Variants in MSR1 observed in about 807,000 individuals in gnomAD.
The protein encoded by MSR1 is macrophage scavenger receptor 1.
A neutral mutation model predicts 47.2 loss-of-function variants in MSR1; 53 were observed. The ratio of observed to expected loss-of-function variants is 1.12; its 90% CI spans 0.90 to 1.41. The LOEUF (loss-of-function observed/expected upper bound fraction) is 1.41, where lower values mean the gene tolerates loss of function less well. Ranked by LOEUF, MSR1 falls within the 40% of genes most tolerant of loss-of-function variation. The probability of loss-of-function intolerance (pLI) is 0.00; values close to 1 mark genes in which losing one functional copy is unlikely to be tolerated. For synonymous variants in MSR1, 239 were observed against 185.6 expected (o/e 1.29, Z -2.34); for missense variants, 786 against 546.9 (o/e 1.44, Z -4.36).
At chr8:16,160,807 C>T (rs148585933) in intron 5 of MSR1, among the ~76,000 whole-genome samples, 1 of 152,002 alleles carries the variant, frequency 6.6e-6, no homozygotes, top group East Asian at 1.9e-4. Flanking sequence ...GTTCGTGGCA[C>T]TTCATTCTTC....
At chr8:16,142,263 G>A (rs1800578673) in intron 8 of MSR1, among the ~76,000 whole-genome samples, 1 of 152,114 alleles carries the variant, frequency 6.6e-6, no homozygotes. Flanking sequence ...CCCGGGAGGT[G>A]GAGGTTGCAG....
At position 16,107,955 on chromosome 8, in the gene MSR1, G is replaced by C. The variant is rs1482694239; in HGVS notation, c.*2130C>G. The C allele has an allele frequency of 6.6e-6, 1 of 151,484 alleles. No individual in the cohort carries two copies. The highest frequency in any genetic ancestry group is 1.5e-5 in the Non-Finnish European group (1 of 67,838). The allele number at this position is 151,484 out of a possible 1,614,324, so 9.4% of individuals were successfully genotyped here. On this transcript the variant is annotated 3_prime_UTR_variant, in exon 10 of 10. Transcript: ENST00000262101. The stretch of plus-strand genomic sequence containing the variant: ...TAAATTAAGTCCTCAATTTGTATTG[G>C]TGCTATTAGGTTCTTTTCTTGACTG...
At chr8:16,138,407 T>G (rs1800444002) in intron 8 of MSR1, among the ~76,000 whole-genome samples, 1 of 152,176 alleles carries the variant, frequency 6.6e-6, no homozygotes, top group African/African-American at 2.4e-5. Flanking sequence ...TTTCTCTTCA[T>G]TATGCATTTT....
chr8:16,163,500 C>T (rs1431120619), intron 5 of MSR1, among the ~76,000 whole-genome samples: 1 of 150,858 alleles, frequency 6.6e-6, no homozygotes, highest in Non-Finnish European at 1.5e-5. Context: ...AAAGCTAAAA[C>T]TAAAATATCT....
At chr8:16,188,994 AT>A (rs1378674025) in intron 1 of MSR1, among the ~76,000 whole-genome samples, 5 of 145,634 alleles carry the variant, frequency 3.4e-5, no homozygotes, top group South Asian at 2.1e-4. Flanking sequence ...ATATATATAT[AT>A]ATAAAACAAC....
chr8:16,146,472 T>G (rs1408804882), intron 7 of MSR1, among the ~76,000 whole-genome samples: 1 of 151,992 alleles, frequency 6.6e-6, no homozygotes, highest in African/African-American at 2.4e-5. Flanking sequence ...CTACCACATC[T>G]CCAACCCTTA....
intron 4 of MSR1, 102 bp from the exon 5 acceptor site, chr8:16,164,353 AT>A: frequency 3.2e-6 from 3 of 924,656 alleles, no homozygotes; most frequent in Non-Finnish European, 5.1e-6. Flanking sequence ...AAAACATATT[AT>A]GGGAGTTTTA....
chr8:16,117,288 G>A (rs1188091518), intron 9 of MSR1, among the ~76,000 whole-genome samples: 12 of 152,144 alleles, frequency 7.9e-5, no homozygotes, highest in Admixed American at 1.3e-4. Flanking sequence ...TAGGTTGCAC[G>A]CTTCTTATGA....
chr8:16,178,549 C>A (rs1219433905), intron 1 of MSR1, among the ~76,000 whole-genome samples: 1 of 152,018 alleles, frequency 6.6e-6, no homozygotes, highest in Non-Finnish European at 1.5e-5. Context: ...GTGAATAGTG[C>A]CGCCGCAATA....
chr8:16,139,275 G>A (rs1800467239), intron 8 of MSR1: 6 of 984,490 alleles, frequency 6.1e-6, no homozygotes, highest in Non-Finnish European at 7.2e-6. Context: ...TACCAGCGGG[G>A]AAAAGCTATT....
intron 4 of MSR1, 80 bp downstream of exon 4, chr8:16,168,378 G>C: frequency 6.8e-7 from 1 of 1,462,408 alleles, no homozygotes; most frequent in Non-Finnish European, 9.5e-7. Context: ...TGCAACTTTT[G>C]CTTTCCTGTA....
intron 3 of MSR1, 137 bp downstream of exon 3, chr8:16,175,050 A>G: frequency 1.4e-6 from 1 of 723,270 alleles, no homozygotes; most frequent in Non-Finnish European, 2.4e-6. Flanking sequence ...AACTTAACAA[A>G]TTTGAAGGAC....
chr8:16,168,719 C>G lies in MSR1; in HGVS notation c.369G>C (p.Lys123Asn), dbSNP rs1448893830. The change falls in exon 4 of 10, where the codon AAG (lysine) becomes AAC (asparagine). Residue 123 changes from lysine (K) to asparagine (N), a missense_variant. By Grantham distance (94) the Lys-to-Asn change is moderately conservative. Coordinates refer to ENST00000262101, the MANE Select transcript of MSR1 (RefSeq NM_138715.3). ...VFMEHMSNMEKRIQHILDMEA... is the reference protein window; with the variant it reads ...VFMEHMSNMENRIQHILDMEA... ...CCATGTCTAAAATATGCTGGATTCT[C>G]TTCTCCATGTTGCTCATGTGTTCCA... is the stretch of plus-strand genomic sequence containing the variant. 1.2e-6 allele frequency: 2 copies of G among 1,614,164 alleles called. No homozygotes were observed. The highest frequency in any genetic ancestry group is 2.2e-5 in the South Asian group (2 of 91,082).
chr8:16,149,514 C>G (rs1800788579), intron 7 of MSR1, among the ~76,000 whole-genome samples: 2 of 152,000 alleles, frequency 1.3e-5, no homozygotes, highest in South Asian at 2.1e-4. Flanking sequence ...AGGTACTCAC[C>G]TCTGCACTTG....
At position 16,120,616 on chromosome 8, in the gene MSR1, TAAAAA is replaced by T. The variant is rs60866666; in HGVS notation, c.1034-15_1034-11del. On this transcript the variant is annotated splice_polypyrimidine_tract_variant and intron_variant, in intron 8 of 9. Coordinates refer to ENST00000262101, the MANE Select transcript of MSR1 (RefSeq NM_138715.3). The stretch of plus-strand genomic sequence containing the variant: ...ACTTTCGTAAATGGAGCTGTAAAGT[TAAAAA>T]AAAAAAAAAAAAAAAAAAAAGGCAA... The T allele has an allele frequency of 0.014, 16,212 of 1,181,650 alleles. No homozygotes were observed. Among genetic ancestry groups the T allele is most frequent in the Middle Eastern group, 0.023 (69 of 3,062 alleles). 73.2% of individuals were successfully genotyped at this position (1,181,650 alleles called of 1,614,324 possible).
chr8:16,166,766 A>G (rs1801323577), intron 4 of MSR1, among the ~76,000 whole-genome samples: 1 of 152,108 alleles, frequency 6.6e-6, no homozygotes, highest in African/African-American at 2.4e-5. Context: ...TGTCCTTGAT[A>G]AGTGTTATGC....
At chr8:16,151,985 G>A (rs929314511) in intron 6 of MSR1, among the ~76,000 whole-genome samples, 12 of 152,138 alleles carry the variant, frequency 7.9e-5, no homozygotes, top group African/African-American at 2.2e-4. Flanking sequence ...TCATCAGGCT[G>A]ATGTGATAGT....
At chr8:16,128,272 G>C (rs149189964) in intron 8 of MSR1, among the ~76,000 whole-genome samples, 1 of 152,062 alleles carries the variant, frequency 6.6e-6, no homozygotes, top group South Asian at 2.1e-4. Flanking sequence ...TCCAATATTC[G>C]TATGCTGAAG....
intron 5 of MSR1, among the ~76,000 whole-genome samples, chr8:16,156,984 G>A (rs187835593): frequency 6.6e-6 from 1 of 152,060 alleles, no homozygotes; most frequent in African/African-American, 2.4e-5. Context: ...AATCCCAGGG[G>A]AGGGGGGCAA....
Sources: gnomAD v4.1 joint callset for allele counts (sites outside exome capture counted in the v4.1 genomes callset) on GRCh38, gnomAD v4.1.1 for gene constraint, MANE v1.5 for transcripts, NCBI Gene and HGNC (gene_info 2026-07-23, HGNC 2026-07-21) for gene names.